Variants in GNPDA2 observed in about 807,000 individuals in gnomAD.
GNPDA2 encodes glcN6P deaminase 2.
In GNPDA2, 24 loss-of-function variants were observed where a neutral mutation model predicts 27.0. The observed-to-expected ratio is 0.89, with a 90% confidence interval of 0.64 to 1.25. The LOEUF (loss-of-function observed/expected upper bound fraction) is 1.25. Ranked by LOEUF, GNPDA2 falls within the 50% of genes most tolerant of loss-of-function variation. GNPDA2 has a pLI of 0.00. For synonymous variants in GNPDA2, 94 were observed against 108.4 expected, an observed-to-expected ratio of 0.87 and a Z score of 0.83; for missense variants, 286 against 335.1, an observed-to-expected ratio of 0.85 and a Z score of 1.14.
chr4:44,722,151 G>A lies in GNPDA2; in HGVS notation c.57C>T (p.Tyr19=), dbSNP rs1451213020. The change falls in exon 2 of 7, where the codon TAC becomes TAT. Residue 19 remains tyrosine, a synonymous_variant. Transcript: ENST00000295448. ...YDLASEWAAK[Y]ICNRIIQFKP... ...TGAACTGAATGATGCGATTACAGATGTATTTGGCTGCCCATTCACTAGCCA... is the reference window on the plus strand; with the variant it reads ...TGAACTGAATGATGCGATTACAGATATATTTGGCTGCCCATTCACTAGCCA... 1.2e-6 allele frequency: 2 copies of A among 1,613,034 alleles called. No individual in the cohort carries two copies. The highest frequency in any genetic ancestry group is 2.2e-5 in the South Asian group (2 of 91,040).
intron 4 of GNPDA2, chr4:44,714,549 C>T (rs1177775386): frequency 1.2e-5 from 12 of 985,158 alleles, no homozygotes; most frequent in Non-Finnish European, 1.4e-5. Context: ...AGTGAAAAAC[C>T]CCATTCTGGC....
chr4:44,716,737 A>G (rs1339833886), intron 4 of GNPDA2, among the ~76,000 whole-genome samples: 1 of 151,928 alleles, frequency 6.6e-6, no homozygotes, highest in Non-Finnish European at 1.5e-5. Context: ...CTGTAATTTG[A>G]TAAGTAGGCT....
chr4:44,712,127 C>A, intron 4 of GNPDA2, among the ~76,000 whole-genome samples: 1 of 152,038 alleles, frequency 6.6e-6, no homozygotes, highest in African/African-American at 2.4e-5. Context: ...ATTCTTTTCA[C>A]AAACTTAAGA....
At position 44,707,863 on chromosome 4, in the gene GNPDA2, C is replaced by T. The variant is rs768050244; in HGVS notation, c.658G>A (p.Val220Ile). ...GCGGAAACAGTCCACATGTGATTGA[C>T]TCCTTCTTCTATTGCTTTGTACAGG... ...FALYKAIEEG[V>I]NHMWTVSAFQ... The change falls in exon 6 of 7, where the codon GTC becomes ATC. Residue 220 changes from valine (V) to isoleucine (I), a missense_variant. Physicochemically the swap from Val to Ile is conservative, Grantham distance 29. Coordinates refer to ENST00000295448, the MANE Select transcript of GNPDA2 (RefSeq NM_138335.3). The T allele has an allele frequency of 6.2e-7, 1 of 1,613,216 alleles. No homozygotes were observed. The highest frequency in any genetic ancestry group is 1.1e-5 in the South Asian group (1 of 91,032).
In GNPDA2 at chr4:44,704,771, T is replaced by C. The variant is rs1033409789; in HGVS notation, c.770-1629A>G. ...TGTCACAGATTCTAACCAATGTCTA[T>C]ACAAAGTAACTTTTATGGTTTTGAC... is the stretch of plus-strand genomic sequence containing the variant. On this transcript the variant is annotated intron_variant, in intron 6 of 6. Transcript: ENST00000295448. 2.5e-5 allele frequency: 25 copies of C among 984,498 alleles called. No homozygotes were observed. The Admixed American group carries it at 1.0e-3, about 41-fold the overall frequency. The allele number at this position is 984,498 out of a possible 1,614,324, so 61.0% of individuals were successfully genotyped here. A position where few individuals can be genotyped will look rare whatever the true frequency, so the allele number is the denominator to read the frequency against.
Position 44,701,993 on chromosome 4 carries a change from G to T in GNPDA2, c.*1088C>A, listed in dbSNP as rs972404167. On this transcript the variant is annotated 3_prime_UTR_variant, in exon 7 of 7. Transcript: ENST00000295448. ...TTATGAAATGCAAAATAAGCAAAAG[G>T]AGCATTTTTTTGCTCCCCACAGAGG... is the stretch of plus-strand genomic sequence containing the variant. 4.1e-6 allele frequency: 4 copies of T among 984,912 alleles called. No individual in the cohort carries two copies. Among genetic ancestry groups the T allele is most frequent in the Admixed American group, 6.2e-5 (1 of 16,208 alleles). 61.0% of individuals were successfully genotyped at this position (984,912 alleles called of 1,614,324 possible). A position where few individuals can be genotyped will look rare whatever the true frequency, so the allele number is the denominator to read the frequency against.
At chr4:44,716,330 G>A (rs1194907764) in intron 4 of GNPDA2, among the ~76,000 whole-genome samples, 1 of 151,808 alleles carries the variant, frequency 6.6e-6, no homozygotes, top group Non-Finnish European at 1.5e-5. Flanking sequence ...GTTATATACA[G>A]ATAATTTACA....
intron 3 of GNPDA2, among the ~76,000 whole-genome samples, chr4:44,717,627 C>A (rs1167336215): frequency 6.6e-6 from 1 of 151,784 alleles, no homozygotes; most frequent in East Asian, 1.9e-4. Flanking sequence ...TAACTATACT[C>A]TTCTCAAACA....
At chr4:44,711,231 TTTA>T in intron 4 of GNPDA2, 94 bp from the exon 5 acceptor site, 1 of 675,876 alleles carries the variant, frequency 1.5e-6, no homozygotes, top group Non-Finnish European at 2.2e-6. Context: ...ATCACCTTGT[TTTA>T]TTTTATACTT....
chr4:44,711,938 A>G (rs1430154488), intron 4 of GNPDA2, among the ~76,000 whole-genome samples: 1 of 152,050 alleles, frequency 6.6e-6, no homozygotes, highest in Non-Finnish European at 1.5e-5. Context: ...ATTGCATTTC[A>G]TTAACAAAAG....
At chr4:44,725,600 C>T (rs1717960448) in intron 1 of GNPDA2, among the ~76,000 whole-genome samples, 1 of 151,778 alleles carries the variant, frequency 6.6e-6, no homozygotes, top group Non-Finnish European at 1.5e-5. Context: ...TTTTCTTAAA[C>T]TCTCTGGAGG....
At position 44,702,450 on chromosome 4, in the gene GNPDA2, G is replaced by GCTATAGA; in HGVS notation, c.*624_*630dup. 1 of 974,814 alleles carries GCTATAGA rather than the reference G, an allele frequency of 1.0e-6. No individual in the cohort carries two copies. Among genetic ancestry groups the GCTATAGA allele is most frequent in the Non-Finnish European group, 1.2e-6 (1 of 820,122 alleles). The allele number at this position is 974,814 out of a possible 1,614,324, so 60.4% of individuals were successfully genotyped here. ...AAAAATAAGATATTTGTAAAAAAGT[G>GCTATAGA]CTATAGAAGAAGGTGCACAAAAAAC... On this transcript the variant is annotated 3_prime_UTR_variant, in exon 7 of 7. Transcript: ENST00000295448.
intron 1 of GNPDA2, among the ~76,000 whole-genome samples, chr4:44,724,154 T>G (rs1002268883): frequency 6.6e-6 from 1 of 152,168 alleles, no homozygotes; most frequent in Non-Finnish European, 1.5e-5. Context: ...TGGCTTTAGG[T>G]TACCTGCCCC....
intron 6 of GNPDA2, 142 bp from the exon 7 acceptor site, chr4:44,703,284 A>G: frequency 7.1e-7 from 1 of 1,403,902 alleles, no homozygotes; most frequent in Admixed American, 3.3e-5. Context: ...TTGAAAAAGT[A>G]CAAATAGAAA....
intron 2 of GNPDA2, among the ~76,000 whole-genome samples, chr4:44,719,907 T>A (rs1717562696): frequency 6.6e-6 from 1 of 152,142 alleles, no homozygotes; most frequent in African/African-American, 2.4e-5. Flanking sequence ...ATTAAGACAT[T>A]TTCTTTAAGA....
chr4:44,725,099 T>C (rs932200655), intron 1 of GNPDA2, among the ~76,000 whole-genome samples: 2 of 151,494 alleles, frequency 1.3e-5, no homozygotes. Flanking sequence ...ATCCTGGGCA[T>C]GTTATTTTTC....
Position 44,702,743 on chromosome 4 carries a change from C to A in GNPDA2, c.*338G>T. 1 of 1,103,202 alleles carries A rather than the reference C, an allele frequency of 9.1e-7. No homozygotes were observed. Among genetic ancestry groups the A allele is most frequent in the Non-Finnish European group, 1.1e-6 (1 of 906,566 alleles). 68.3% of individuals were successfully genotyped at this position (1,103,202 alleles called of 1,614,324 possible). ...TGTCATTAAAAAATGAAATATACGC[C>A]ACTGGAGTCATATCACAAATGGTGC... On this transcript the variant is annotated 3_prime_UTR_variant, in exon 7 of 7. Coordinates refer to ENST00000295448, the MANE Select transcript of GNPDA2 (RefSeq NM_138335.3).
At chr4:44,724,283 A>C (rs974506901) in intron 1 of GNPDA2, among the ~76,000 whole-genome samples, 1 of 152,162 alleles carries the variant, frequency 6.6e-6, no homozygotes, top group East Asian at 1.9e-4. Flanking sequence ...ATTGGCCTTA[A>C]GTCCTCTGCC....
In GNPDA2 at chr4:44,723,964, G is replaced by A. The variant is rs374080811; in HGVS notation, c.-35-1722C>T. ...AGGTGAATTGGCTCCCTATGCAGAT[G>A]AAGGGATGGCCCATGCTTAGTCCAC... On this transcript the variant is annotated intron_variant, in intron 1 of 6. Coordinates refer to ENST00000295448, the MANE Select transcript of GNPDA2 (RefSeq NM_138335.3). Among the ~76,000 whole-genome samples the A allele has an allele frequency of 1.4e-4, 22 of 152,320 alleles. No individual in the cohort carries two copies. The South Asian group carries it at 4.4e-3, about 30-fold the overall frequency.
Sources: gnomAD v4.1 joint callset for allele counts (sites outside exome capture counted in the v4.1 genomes callset) on GRCh38, gnomAD v4.1.1 for gene constraint, MANE v1.5 for transcripts, NCBI Gene and HGNC (gene_info 2026-07-23, HGNC 2026-07-21) for gene names.